The following WBP2NL variants were observed in gnomAD, a reference collection of about 807,000 sequenced individuals.
WBP2NL encodes the protein postacrosomal sheath WW domain-binding protein.
A neutral mutation model predicts 23.3 loss-of-function variants in WBP2NL; 27 were observed. The ratio of observed to expected loss-of-function variants is 1.16; its 90% confidence interval spans 0.85 to 1.60. WBP2NL has a LOEUF of 1.60. Ranked by LOEUF, WBP2NL falls within the 40% of genes most tolerant of loss-of-function variation. WBP2NL has a pLI of 0.00. For missense variants in WBP2NL, 370 were observed against 389.5 expected, an observed-to-expected ratio of 0.95 and a Z score of 0.42; for synonymous variants, 151 against 145.9, an observed-to-expected ratio of 1.03 and a Z score of -0.25.
At chr22:42,014,352 G>T (rs1380222369) in intron 1 of WBP2NL, among the ~76,000 whole-genome samples, 1 of 152,110 alleles carries the variant, frequency 6.6e-6, no homozygotes, top group African/African-American at 2.4e-5. Context: ...CAGTGTCTTG[G>T]ATAGGTGGGA....
At chr22:42,045,310 G>T (rs1315032286) in intron 8 of WBP2NL, among the ~76,000 whole-genome samples, 2 of 152,016 alleles carry the variant, frequency 1.3e-5, no homozygotes, top group Non-Finnish European at 2.9e-5. Flanking sequence ...GCATGGTGGT[G>T]GTCGCCTGTA....
At chr22:42,056,537 T>C (rs1346361039) in intron 8 of WBP2NL, among the ~76,000 whole-genome samples, 1 of 152,200 alleles carries the variant, frequency 6.6e-6, no homozygotes, top group East Asian at 1.9e-4. Context: ...AGGATGTCCT[T>C]TAGTATTTTA....
At chr22:42,025,235 G>A (rs1416842712) in intron 5 of WBP2NL, among the ~76,000 whole-genome samples, 2 of 152,144 alleles carry the variant, frequency 1.3e-5, no homozygotes, top group Non-Finnish European at 2.9e-5. Flanking sequence ...TTTCTTCTAA[G>A]CATTTTATAG....
chr22:42,005,316 C>A (rs2146757287), intron 1 of WBP2NL, among the ~76,000 whole-genome samples: 1 of 152,200 alleles, frequency 6.6e-6, no homozygotes, highest in Middle Eastern at 3.4e-3. Context: ...GAGTTTGAGA[C>A]CAGCCTGGCC....
At position 42,016,400 on chromosome 22, in the gene WBP2NL, T is replaced by C. The variant is rs148345118; in HGVS notation, c.63-2911T>C. Among the ~76,000 whole-genome samples, 268 of 152,304 alleles carry C rather than the reference T, an allele frequency of 1.8e-3. 8 individuals carry two copies. The East Asian group carries it at 0.046, about 26-fold the overall frequency. ...CCACCAGACAAGTCAAACTACAATT[T>C]TTAAAAATAAGTGTGTTCTGCTCCC... On this transcript the variant is annotated intron_variant, in intron 1 of 5. Coordinates refer to ENST00000328823, the MANE Select transcript of WBP2NL (RefSeq NM_152613.3).
chr22:41,999,576 C>T (rs189928800), intron 1 of WBP2NL, among the ~76,000 whole-genome samples: 1 of 152,272 alleles, frequency 6.6e-6, no homozygotes, highest in Admixed American at 6.5e-5. Context: ...TGAGACAAGA[C>T]TGGGCAACAT....
chr22:42,016,062 A>C (rs548740502), intron 1 of WBP2NL, among the ~76,000 whole-genome samples: 1 of 151,862 alleles, frequency 6.6e-6, no homozygotes, highest in South Asian at 2.1e-4. Flanking sequence ...GCTCACTGCA[A>C]ACTCTGCCTC....
rs1348718933 is a variant in WBP2NL at position 42,027,209 on chromosome 22, C to T, written c.*28C>T. On this transcript the variant is annotated 3_prime_UTR_variant, in exon 6 of 6. Coordinates refer to ENST00000328823, the MANE Select transcript of WBP2NL (RefSeq NM_152613.3). ...TTCTAAGATGTAAACCTTGAAGACT[C>T]ACCAAGCAAAGAGGTACCCTAAAAT... 6 of 1,570,428 alleles carry T rather than the reference C, an allele frequency of 3.8e-6. No individual in the cohort carries two copies. The highest frequency in any genetic ancestry group is 2.2e-5 in the East Asian group (1 of 44,450).
At position 42,008,403 on chromosome 22, in the gene WBP2NL, C is replaced by T. The variant is rs1217476239; in HGVS notation, c.62+9523C>T. Among the ~76,000 whole-genome samples, 5 of 151,750 alleles carry T rather than the reference C, an allele frequency of 3.3e-5. No homozygotes were observed. The East Asian group carries it at 5.8e-4, about 18-fold the overall frequency. On this transcript the variant is annotated intron_variant, in intron 1 of 5. Coordinates refer to ENST00000328823, the MANE Select transcript of WBP2NL (RefSeq NM_152613.3). ...TGTATTTTTAGTAGAGACGGGGTTT[C>T]GCTGTGTTGGCCAGGCTGGTCTCAA... is the stretch of plus-strand genomic sequence containing the variant.
chr22:42,029,614 C>A (rs1042739700), downstream of WBP2NL, among the ~76,000 whole-genome samples: 1 of 152,216 alleles, frequency 6.6e-6, no homozygotes, highest in Non-Finnish European at 1.5e-5. Context: ...TCAAGCAATC[C>A]TCCTGTCTCA....
At chr22:41,999,034 C>T (rs1025161843) in intron 1 of WBP2NL, among the ~76,000 whole-genome samples, 154 bp downstream of exon 1, 1 of 151,940 alleles carries the variant, frequency 6.6e-6, no homozygotes, top group African/African-American at 2.4e-5. Context: ...GCGCGCGCCC[C>T]TCACTGGTGT....
At chr22:42,025,817 AG>A (rs1452835203) in intron 5 of WBP2NL, among the ~76,000 whole-genome samples, 60 of 152,358 alleles carry the variant, frequency 3.9e-4, no homozygotes, top group African/African-American at 1.4e-3. Flanking sequence ...CAAGGTAATA[AG>A]TAAAACTCAT....
At chr22:42,044,861 G>A (rs912131599) in intron 8 of WBP2NL, among the ~76,000 whole-genome samples, 7 of 152,082 alleles carry the variant, frequency 4.6e-5, no homozygotes, top group African/African-American at 1.4e-4. Context: ...CACCCAGGCT[G>A]GAGTGCAGTG....
chr22:42,040,289 C>T (rs1401383143), intron 8 of WBP2NL, among the ~76,000 whole-genome samples: 2 of 151,040 alleles, frequency 1.3e-5, no homozygotes, highest in Non-Finnish European at 2.9e-5. Flanking sequence ...ATGGTGCGAT[C>T]TCAGCTCACT....
At position 42,019,657 on chromosome 22, in the gene WBP2NL, C is replaced by A. The variant is rs749525788; in HGVS notation, c.172-5C>A. 1.9e-6 allele frequency: 3 copies of A among 1,613,774 alleles called. No homozygotes were observed. The highest frequency in any genetic ancestry group is 2.7e-5 in the African/African-American group (2 of 74,902). On this transcript the variant is annotated splice_region_variant and splice_polypyrimidine_tract_variant and intron_variant, in intron 2 of 5. Coordinates refer to ENST00000328823, the MANE Select transcript of WBP2NL (RefSeq NM_152613.3). ...TCCTTTTCCAAAGTTTCTGTCCTTG[C>A]GTAGGTGATTTTCATAACTTCATGC...
intron 5 of WBP2NL, among the ~76,000 whole-genome samples, chr22:42,022,910 T>C (rs148712137): frequency 0.01 from 1,591 of 152,332 alleles, 17 homozygotes; most frequent in Non-Finnish European, 0.014. Flanking sequence ...GAACTTGATA[T>C]GCATGTCCAT....
At chr22:42,005,709 A>G (rs1364951936) in intron 1 of WBP2NL, among the ~76,000 whole-genome samples, 3 of 152,252 alleles carry the variant, frequency 2.0e-5, no homozygotes, top group African/African-American at 4.8e-5. Flanking sequence ...TTTCCATTCA[A>G]TGGGAGCCAA....
chr22:42,020,470 T>C (rs1347958730), intron 4 of WBP2NL, among the ~76,000 whole-genome samples: 1 of 152,136 alleles, frequency 6.6e-6, no homozygotes, highest in Non-Finnish European at 1.5e-5. Context: ...TACCTACAAT[T>C]GTCAAGTACC....
chr22:42,031,290 T>A (rs564754093), downstream of WBP2NL: 2 of 152,306 alleles, frequency 1.3e-5, no homozygotes, highest in Non-Finnish European at 2.9e-5. Context: ...AGGACCCTGG[T>A]TTTTGCTTTG....
Sources: gnomAD v4.1 joint callset for allele counts (sites outside exome capture counted in the v4.1 genomes callset) on GRCh38, gnomAD v4.1.1 for gene constraint, MANE v1.5 for transcripts, NCBI Gene and HGNC (gene_info 2026-07-23, HGNC 2026-07-21) for gene names.